Variants in ATXN10 observed in about 807,000 individuals in gnomAD.
The protein encoded by ATXN10 is ataxin-10.
ATXN10 carries 28 observed loss-of-function variants against 52.9 expected under a neutral mutation model. The observed-to-expected ratio is 0.53, with a 90% confidence interval of 0.39 to 0.73. ATXN10 has a LOEUF of 0.73. Ranked by LOEUF, ATXN10 falls within the 30% of genes least tolerant of loss-of-function variation. The pLI, the probability that ATXN10 is intolerant of heterozygous loss-of-function variation, is 0.00. For missense variants in ATXN10, 565 were observed against 577.0 expected, an observed-to-expected ratio of 0.98 and a Z score of 0.21; for synonymous variants, 226 against 221.5, an observed-to-expected ratio of 1.02 and a Z score of -0.18.
intron 3 of ATXN10, among the ~76,000 whole-genome samples, chr22:45,697,716 G>A (rs1003094636): frequency 2.6e-5 from 4 of 152,012 alleles, no homozygotes; most frequent in Admixed American, 6.5e-5. Flanking sequence ...TGCAGGCTCC[G>A]CCCCCTGGGG....
chr22:45,834,451 C>T (rs1051725071), intron 10 of ATXN10, among the ~76,000 whole-genome samples: 5 of 152,198 alleles, frequency 3.3e-5, no homozygotes, highest in African/African-American at 1.2e-4. Context: ...CTGGCAGTGT[C>T]CCGGGTTGTG....
At chr22:45,794,473 T>C (rs2146869586) in intron 9 of ATXN10, among the ~76,000 whole-genome samples, 1 of 152,288 alleles carries the variant, frequency 6.6e-6, no homozygotes, top group African/African-American at 2.4e-5. Context: ...GATGTCTCTT[T>C]TTTCCTTCCT....
In ATXN10 at chr22:45,727,343, C is replaced by CTATA. The variant is rs1416490182; in HGVS notation, c.729-2079_729-2078insATAT. 6.6e-6 allele frequency among the ~76,000 whole-genome samples: 1 copy of CTATA among 151,370 alleles called. No individual in the cohort carries two copies. Among genetic ancestry groups the CTATA allele is most frequent in the Non-Finnish European group, 1.5e-5 (1 of 67,838 alleles). On this transcript the variant is annotated intron_variant, in intron 6 of 11. Transcript: ENST00000252934. This position sits in a 1 kb window ranked among gnomAD's most constrained non-coding sequence, Gnocchi z 4.6. ...TGTCTATCTATCTATATCTATCTAT[C>CTATA]TATCTATCTATCTATCTATCTATCT...
chr22:45,781,734 A>C lies in ATXN10; in HGVS notation c.1174-25225A>C, dbSNP rs1197969931. Among the ~76,000 whole-genome samples, 1 of 152,210 alleles carries C rather than the reference A, an allele frequency of 6.6e-6. No individual in the cohort carries two copies. Among genetic ancestry groups the C allele is most frequent in the Non-Finnish European group, 1.5e-5 (1 of 68,034 alleles). ...TGTAAGCAATTATGACCACACTGGA[A>C]ACAAATGAAAAAATCTCAGCAAAGA... On this transcript the variant is annotated intron_variant, in intron 9 of 11. Coordinates refer to ENST00000252934, the MANE Select transcript of ATXN10 (RefSeq NM_013236.4). This position sits in a 1 kb window ranked among gnomAD's most constrained non-coding sequence, Gnocchi z 4.2.
chr22:45,719,735 G>A (rs563380904), intron 6 of ATXN10, among the ~76,000 whole-genome samples: 5 of 152,260 alleles, frequency 3.3e-5, no homozygotes, highest in East Asian at 3.8e-4. Flanking sequence ...TGATAAAGTT[G>A]TATCAGGTGC....
At chr22:45,748,197 T>A (rs964811929) in intron 9 of ATXN10, among the ~76,000 whole-genome samples, 1 of 151,760 alleles carries the variant, frequency 6.6e-6, no homozygotes, top group Non-Finnish European at 1.5e-5. Context: ...AAAAAAAGTA[T>A]ATAATGGATT....
At chr22:45,741,920 C>T (rs1011429654) in intron 9 of ATXN10, among the ~76,000 whole-genome samples, 4 of 152,098 alleles carry the variant, frequency 2.6e-5, no homozygotes, top group African/African-American at 7.2e-5. Flanking sequence ...CAAAATCTTC[C>T]GTCTTTCTAG....
Position 45,750,756 on chromosome 22 carries a change from A to G in ATXN10, c.1173+10218A>G, listed in dbSNP as rs1329736507. Reference sequence around the variant, plus strand: ...GGAGGCAGACATAGTTTCCAAACAGACCCAGGAGAAGTTATACGAATTTAC... The same window carrying G: ...GGAGGCAGACATAGTTTCCAAACAGGCCCAGGAGAAGTTATACGAATTTAC... On this transcript the variant is annotated intron_variant, in intron 9 of 11. Transcript: ENST00000252934. The surrounding 1 kb of genome is among the most constrained non-coding windows in gnomAD (Gnocchi z 4.2). 6.6e-6 allele frequency among the ~76,000 whole-genome samples: 1 copy of G among 152,226 alleles called. No individual in the cohort carries two copies. The highest frequency in any genetic ancestry group is 1.5e-5 in the Non-Finnish European group (1 of 68,044).
chr22:45,736,254 G>A (rs1925291669), intron 7 of ATXN10, among the ~76,000 whole-genome samples: 2 of 152,114 alleles, frequency 1.3e-5, no homozygotes, highest in South Asian at 2.1e-4. Context: ...TTCCTCCACA[G>A]TTCCACTCAT....
Position 45,718,544 on chromosome 22 carries a change from A to T in ATXN10, c.728+51A>T. 6.9e-7 allele frequency: 1 copy of T among 1,453,780 alleles called. No individual in the cohort carries two copies. The highest frequency in any genetic ancestry group is 9.7e-7 in the Non-Finnish European group (1 of 1,034,104). 90.1% of individuals were successfully genotyped at this position (1,453,780 alleles called of 1,614,324 possible). ...GAGTATTTAGCATTCCATATAGGGTATTCGATGCACGTGACTGAAAAGCTG... is the reference window on the plus strand; with the variant it reads ...GAGTATTTAGCATTCCATATAGGGTTTTCGATGCACGTGACTGAAAAGCTG... On this transcript the variant is annotated intron_variant, in intron 6 of 11. Transcript: ENST00000252934. This position sits in a 1 kb window ranked among gnomAD's most constrained non-coding sequence, Gnocchi z 4.4.
intron 1 of ATXN10, among the ~76,000 whole-genome samples, chr22:45,686,973 A>G (rs1923168644): frequency 6.6e-6 from 1 of 152,160 alleles, no homozygotes; most frequent in African/African-American, 2.4e-5. Flanking sequence ...CAACCTGGGG[A>G]GAGCATATGA....
In ATXN10 at chr22:45,774,708, G is replaced by A. The variant is rs113325982; in HGVS notation, c.1174-32251G>A. Among the ~76,000 whole-genome samples the A allele has an allele frequency of 0.011, 1,725 of 152,284 alleles. 39 individuals carry two copies. Among genetic ancestry groups the A allele is most frequent in the African/African-American group, 0.04 (1,645 of 41,556 alleles). ...AGCACTTTGGGAGGCTGAGGTGAGC[G>A]GATCACTTGAGGCCAGGAGTTTGAG... On this transcript the variant is annotated intron_variant, in intron 9 of 11. Coordinates refer to ENST00000252934, the MANE Select transcript of ATXN10 (RefSeq NM_013236.4). This position sits in a 1 kb window ranked among gnomAD's most constrained non-coding sequence, Gnocchi z 6.2.
rs1212078004 is a variant in ATXN10, at chr22:45,762,029, A to G, written c.1173+21491A>G. On this transcript the variant is annotated intron_variant, in intron 9 of 11. Coordinates refer to ENST00000252934, the MANE Select transcript of ATXN10 (RefSeq NM_013236.4). The surrounding 1 kb of genome is among the most constrained non-coding windows in gnomAD (Gnocchi z 4.3). Reference sequence around the variant, plus strand: ...ACTCCCAGGTTTTCTGATTTTTAAAAACTTCCTATTTAGTCATATGTTTTT... The same window carrying G: ...ACTCCCAGGTTTTCTGATTTTTAAAGACTTCCTATTTAGTCATATGTTTTT... Among the ~76,000 whole-genome samples, 2 of 152,214 alleles carry G rather than the reference A, an allele frequency of 1.3e-5. No individual in the cohort carries two copies. The highest frequency in any genetic ancestry group is 4.8e-5 in the African/African-American group (2 of 41,456).
At chr22:45,735,895 C>T (rs1025927076) in intron 7 of ATXN10, among the ~76,000 whole-genome samples, 3 of 138,842 alleles carry the variant, frequency 2.2e-5, no homozygotes, top group African/African-American at 5.4e-5. Context: ...TCTGGAAGGG[C>T]ATTTTACTCA....
rs1928827242 is a variant in ATXN10, at chr22:45,826,736, AAAGCTGAT to A, written c.1238-16254_1238-16247del. Reference sequence around the variant, plus strand: ...AAATTAAGGCATTCACAGACGAACAAAAGCTGATGGAGTTTGTTACCACTAGACCTGCC... The same window carrying A: ...AAATTAAGGCATTCACAGACGAACAAGGAGTTTGTTACCACTAGACCTGCC... On this transcript the variant is annotated intron_variant, in intron 10 of 11. Transcript: ENST00000252934. The surrounding 1 kb of genome is among the most constrained non-coding windows in gnomAD (Gnocchi z 5.0). Among the ~76,000 whole-genome samples, 2 of 152,254 alleles carry A rather than the reference AAAGCTGAT, an allele frequency of 1.3e-5. No individual in the cohort carries two copies. The highest frequency in any genetic ancestry group is 2.4e-5 in the African/African-American group (1 of 41,466).
rs139198445 is a variant in ATXN10, at chr22:45,799,819, A to G, written c.1174-7140A>G. ...TATATTACTTCTTTCATGACTTACT[A>G]TAAAGCTAATTAAGATAGTATGGTA... On this transcript the variant is annotated intron_variant, in intron 9 of 11. Transcript: ENST00000252934. Among the ~76,000 whole-genome samples, 12 of 152,362 alleles carry G rather than the reference A, an allele frequency of 7.9e-5. No individual in the cohort carries two copies. In the East Asian group the frequency reaches 2.3e-3, roughly 29 times the overall value.
Position 45,708,297 on chromosome 22 carries a change from C to T in ATXN10, c.647+5450C>T, listed in dbSNP as rs1182712762. The stretch of plus-strand genomic sequence containing the variant: ...ATGTGCACTGGTAGGTTAGGTCAGT[C>T]AGTGCAGAATTACACAGTAGAGGAA... On this transcript the variant is annotated intron_variant, in intron 5 of 11. Coordinates refer to ENST00000252934, the MANE Select transcript of ATXN10 (RefSeq NM_013236.4). The surrounding 1 kb of genome is among the most constrained non-coding windows in gnomAD (Gnocchi z 5.3). Among the ~76,000 whole-genome samples the T allele has an allele frequency of 6.6e-6, 1 of 152,172 alleles. No homozygotes were observed. The highest frequency in any genetic ancestry group is 1.5e-5 in the Non-Finnish European group (1 of 68,028).
intron 9 of ATXN10, among the ~76,000 whole-genome samples, chr22:45,803,066 T>A (rs907258599): frequency 6.6e-5 from 10 of 152,244 alleles, no homozygotes; most frequent in African/African-American, 2.4e-4. Flanking sequence ...TGTCACCAAC[T>A]ACTGCTATCA....
chr22:45,803,810 G>A (rs1343529261), intron 9 of ATXN10, among the ~76,000 whole-genome samples: 1 of 152,028 alleles, frequency 6.6e-6, no homozygotes, highest in African/African-American at 2.4e-5. Context: ...GGGTGTGAGG[G>A]CATCCTTGGG....
Sources: allele counts gnomAD v4.1 joint callset (sites outside exome capture counted in the v4.1 genomes callset), GRCh38; gene constraint gnomAD v4.1.1; non-coding constraint Gnocchi (gnomAD v3.1); transcripts MANE v1.5; gene names NCBI Gene and HGNC (gene_info 2026-07-23, HGNC 2026-07-21).